SIPA1L3: variants seen among roughly 807,000 people sequenced by gnomAD.
SIPA1L3 encodes signal-induced proliferation-associated 1-like protein 3.
In SIPA1L3, 59 loss-of-function variants were observed where a neutral mutation model predicts 150.1. The observed-to-expected ratio is 0.39, with a 90% CI of 0.32 to 0.49. The LOEUF is 0.49. Ranked by LOEUF, SIPA1L3 falls within the 20% of genes least tolerant of loss-of-function variation. SIPA1L3 has a pLI of 0.86. For missense variants in SIPA1L3, 2,211 were observed against 2,489.5 expected (o/e 0.89, Z 2.38); for synonymous variants, 1,070 against 1,077.6 (o/e 0.99, Z 0.14).
intron 1 of SIPA1L3, among the ~76,000 whole-genome samples, chr19:37,946,098 T>C (rs536197196): frequency 6.6e-6 from 1 of 151,008 alleles, no homozygotes; most frequent in East Asian, 2.0e-4. Flanking sequence ...GAGGTTGCAA[T>C]GAACCAAGAA....
chr19:38,194,455 T>A (rs570653538), intron 18 of SIPA1L3, among the ~76,000 whole-genome samples: 1 of 152,046 alleles, frequency 6.6e-6, no homozygotes, highest in African/African-American at 2.4e-5. Context: ...TGAGGCTGTT[T>A]AGGGTCCATA....
At chr19:38,162,399 C>A (rs374747162) in intron 14 of SIPA1L3, 28 bp downstream of exon 14, 1 of 1,571,132 alleles carries the variant, frequency 6.4e-7, no homozygotes, top group African/African-American at 1.3e-5. Context: ...CCTGCCCTAC[C>A]GGGGGAGCCA....
chr19:38,161,284 TGAGCTGA>T, intron 13 of SIPA1L3, among the ~76,000 whole-genome samples: 1 of 135,284 alleles, frequency 7.4e-6, no homozygotes, highest in East Asian at 2.1e-4. Flanking sequence ...GAGGTTGCAG[TGAGCTGA>T]GATCACACCA....
At chr19:38,055,661 C>G (rs886608999) in intron 2 of SIPA1L3, among the ~76,000 whole-genome samples, 6 of 152,240 alleles carry the variant, frequency 3.9e-5, no homozygotes, top group African/African-American at 1.4e-4. Flanking sequence ...ATTTGACAAC[C>G]AGCAGTGGAG....
intron 15 of SIPA1L3, among the ~76,000 whole-genome samples, chr19:38,176,204 G>A (rs1177338641): frequency 6.6e-6 from 1 of 151,942 alleles, no homozygotes; most frequent in Non-Finnish European, 1.5e-5. Context: ...GTACAGATGG[G>A]GTTTCGCCAT....
rs1176532343 is a variant in SIPA1L3, at chr19:38,081,732, C to CCGCCAG, written c.172_173insGCGCCA (p.Ala57_Thr58insSerAla). On this transcript the variant is annotated inframe_insertion, in exon 3 of 22. Coordinates refer to ENST00000222345, the MANE Select transcript of SIPA1L3 (RefSeq NM_015073.3). ...CAGCCTCTTGGCGAGAGCCCGGCCA[C>CCGCCAG]CGCCACCGCCACCGCCACCGCCACC... is the stretch of plus-strand genomic sequence containing the variant. 1 of 1,582,568 alleles carries CCGCCAG rather than the reference C, an allele frequency of 6.3e-7. No individual in the cohort carries two copies. The highest frequency in any genetic ancestry group is 1.1e-5 in the South Asian group (1 of 89,222).
rs111779101 is a variant in SIPA1L3 at position 37,921,663 on chromosome 19, C to T, written c.-379+14305C>T. Among the ~76,000 whole-genome samples the T allele has an allele frequency of 5.1e-3, 776 of 151,590 alleles. 6 individuals are homozygous for T. Among genetic ancestry groups the T allele is most frequent in the African/African-American group, 0.018 (750 of 41,326 alleles). ...TCACCCAGCCTGGAGTGCAGTGGCA[C>T]GATCACAACTCACCGCAACCTCGAA... On this transcript the variant is annotated intron_variant, in intron 1 of 21. Transcript: ENST00000222345.
intron 1 of SIPA1L3, among the ~76,000 whole-genome samples, chr19:37,995,991 T>C (rs1323414711): frequency 6.6e-6 from 1 of 152,076 alleles, no homozygotes; most frequent in African/African-American, 2.4e-5. Context: ...CATAGTTCAC[T>C]GTAACCTTGA....
rs1007868222 is a variant in SIPA1L3, at chr19:38,133,755, G to C, written c.3143+2983G>C. On this transcript the variant is annotated intron_variant, in intron 10 of 21. Transcript: ENST00000222345. ...GAAGTGGCCTTACCACCCTGTGCCC[G>C]GTTTCCTCATTTGTAAAACAAGGAC... is the stretch of plus-strand genomic sequence containing the variant. Among the ~76,000 whole-genome samples the C allele has an allele frequency of 3.9e-5, 6 of 152,264 alleles. No homozygotes were observed. The South Asian group carries it at 8.3e-4, about 21-fold the overall frequency.
intron 1 of SIPA1L3, among the ~76,000 whole-genome samples, chr19:37,984,368 G>A (rs1012103511): frequency 1.3e-5 from 2 of 152,164 alleles, no homozygotes; most frequent in Non-Finnish European, 1.5e-5. Context: ...AGAAGGAGTG[G>A]TGGGGAGGCA....
At chr19:38,130,949 G>C in intron 10 of SIPA1L3, 177 bp downstream of exon 10, 3 of 644,600 alleles carry the variant, frequency 4.7e-6, no homozygotes, top group South Asian at 4.1e-5. Flanking sequence ...AGCGCTTACT[G>C]TATGCCAGTT....
At chr19:38,195,515 C>G (rs1434994314) in intron 18 of SIPA1L3, among the ~76,000 whole-genome samples, 6 of 152,176 alleles carry the variant, frequency 3.9e-5, no homozygotes, top group Non-Finnish European at 7.3e-5. Context: ...CCCAGGCTTC[C>G]CTCCACGTCT....
intron 18 of SIPA1L3, among the ~76,000 whole-genome samples, chr19:38,194,455 T>G (rs570653538): frequency 2.4e-4 from 37 of 152,164 alleles, no homozygotes; most frequent in African/African-American, 8.4e-4. Flanking sequence ...TGAGGCTGTT[T>G]AGGGTCCATA....
At chr19:38,039,991 T>C (rs1233728624) in intron 2 of SIPA1L3, among the ~76,000 whole-genome samples, 2 of 152,116 alleles carry the variant, frequency 1.3e-5, no homozygotes, top group Non-Finnish European at 2.9e-5. Context: ...TGTGTGCCTG[T>C]GGTCGCAGCT....
rs138370331 is a variant in SIPA1L3 at position 38,164,706 on chromosome 19, G to A, written c.4008G>A (p.Lys1336=). ...CTCCACGGCCCGCCAAGCCACACAA[G>A]CCCCCTGGAAGTATGGGCCTTTGTG... ...AKAPRPAKPH[K]PPGSMGLCGG... Residue 1336 remains lysine, a synonymous_variant, in exon 15 of 22, where the codon AAG becomes AAA. Coordinates refer to ENST00000222345, the MANE Select transcript of SIPA1L3 (RefSeq NM_015073.3). This position sits in a 1 kb window ranked among gnomAD's most constrained non-coding sequence, Gnocchi z 4.1. The A allele has an allele frequency of 7.7e-5, 124 of 1,614,122 alleles. No individual in the cohort carries two copies. The African/African-American group carries it at 1.4e-3, about 18-fold the overall frequency.
chr19:38,139,864 C>T lies in SIPA1L3; in HGVS notation c.3144-1320C>T, dbSNP rs956537302. Among the ~76,000 whole-genome samples, 22 of 152,264 alleles carry T rather than the reference C, an allele frequency of 1.4e-4. No individual in the cohort carries two copies. In the South Asian group the frequency reaches 1.5e-3, roughly 10 times the overall value. On this transcript the variant is annotated intron_variant, in intron 10 of 21. Transcript: ENST00000222345. ...TGCTGTGACCTCTGGAGGACAGGAACGCCACGTCCAAATACAGCAGAAGAG... is the reference window on the plus strand; with the variant it reads ...TGCTGTGACCTCTGGAGGACAGGAATGCCACGTCCAAATACAGCAGAAGAG...
chr19:38,061,023 G>A (rs534599111), intron 2 of SIPA1L3, among the ~76,000 whole-genome samples: 1 of 152,076 alleles, frequency 6.6e-6, no homozygotes, highest in East Asian at 2.0e-4. Flanking sequence ...GTGGGAGTAT[G>A]CTTTTCTTCC....
chr19:37,985,745 ATGGCTGTG>A (rs1315318920), intron 1 of SIPA1L3, among the ~76,000 whole-genome samples: 1 of 152,130 alleles, frequency 6.6e-6, no homozygotes, highest in Non-Finnish European at 1.5e-5. Context: ...TTTGGAGAGG[ATGGCTGTG>A]GGGAGCTGAC....
chr19:37,973,416 G>A (rs1473925317), intron 1 of SIPA1L3, among the ~76,000 whole-genome samples: 1 of 150,646 alleles, frequency 6.6e-6, no homozygotes, highest in Non-Finnish European at 1.5e-5. Flanking sequence ...TTTTATATTA[G>A]TAGAGACGGG....
Sources: allele counts gnomAD v4.1 joint callset (sites outside exome capture counted in the v4.1 genomes callset), GRCh38; gene constraint gnomAD v4.1.1; non-coding constraint Gnocchi (gnomAD v3.1); transcripts MANE v1.5; gene names NCBI Gene and HGNC (gene_info 2026-07-23, HGNC 2026-07-21).